DMD: variants seen among roughly 807,000 people sequenced by gnomAD.
The protein encoded by DMD is mutant dystrophin.
A neutral mutation model predicts 330.1 loss-of-function variants in DMD; 63 were observed. The observed-to-expected ratio is 0.19, with a 90% confidence interval of 0.16 to 0.24. The LOEUF is 0.24. Among genes scored for constraint, DMD ranks in the 10% least tolerant of loss-of-function variants. The probability of loss-of-function intolerance (pLI) is 1.00; values close to 1 mark genes in which losing one functional copy is unlikely to be tolerated. For missense variants in DMD, 3,344 were observed against 2,684.1 expected (o/e 1.25, Z -5.43); for synonymous variants, 1,223 against 959.8 (o/e 1.27, Z -5.07).
intron 1 of DMD, among the ~76,000 whole-genome samples, chrX:33,184,838 CT>C (rs1402545564): frequency 1.2e-4 from 13 of 106,620 alleles, no homozygotes; most frequent in African/African-American, 4.1e-4. Context: ...ATTCTCCTGC[CT>C]CAGCCTCCTG....
chrX:32,611,792 C>T (rs140376987), intron 12 of DMD, among the ~76,000 whole-genome samples: 1,310 of 112,103 alleles, frequency 0.012, 4 homozygotes, highest in Non-Finnish European at 0.019. Flanking sequence ...TTCAGTGTTA[C>T]GTGGCCTAAT....
chrX:31,554,255 T>C (rs1180826912), intron 55 of DMD, among the ~76,000 whole-genome samples: 1 of 112,084 alleles, frequency 8.9e-6, no homozygotes, highest in Non-Finnish European at 1.9e-5. Flanking sequence ...TTGGCTAAAT[T>C]GGAATCATTA....
chrX:31,438,540 G>A (rs1339137360), intron 60 of DMD, among the ~76,000 whole-genome samples: 1 of 111,754 alleles, frequency 8.9e-6, no homozygotes, highest in East Asian at 2.8e-4. Flanking sequence ...TTTGGAGAAT[G>A]GCCTCATATT....
chrX:32,516,646 G>T (rs922208978), intron 18 of DMD: 1 of 111,379 alleles, frequency 9.0e-6, no homozygotes, highest in African/African-American at 3.3e-5. Flanking sequence ...AAATGCTAAA[G>T]GTGATTCATA....
intron 60 of DMD, among the ~76,000 whole-genome samples, chrX:31,382,724 T>C (rs1360923891): frequency 9.0e-6 from 1 of 110,506 alleles, no homozygotes; most frequent in African/African-American, 3.3e-5. Flanking sequence ...CCCCACAATA[T>C]CACCCCTTAC....
intron 47 of DMD, among the ~76,000 whole-genome samples, chrX:31,908,484 C>T (rs1007503093): frequency 6.4e-5 from 7 of 108,626 alleles, no homozygotes; most frequent in African/African-American, 2.0e-4. Flanking sequence ...AACCAAACAC[C>T]GCATGTCCTC....
At chrX:32,943,431 A>G (rs963398639) in intron 2 of DMD, among the ~76,000 whole-genome samples, 4 of 111,493 alleles carry the variant, frequency 3.6e-5, no homozygotes, top group African/African-American at 1.3e-4. Context: ...TTATATGTAT[A>G]CATACTGTGT....
At chrX:31,895,970 A>C (rs1369474604) in intron 47 of DMD, among the ~76,000 whole-genome samples, 1 of 112,179 alleles carries the variant, frequency 8.9e-6, no homozygotes, top group South Asian at 3.6e-4. Flanking sequence ...GAGTGTATTT[A>C]AACTAACACT....
chrX:32,681,249 C>G lies in DMD; in HGVS notation c.960+16621G>C, dbSNP rs1241247864. ...GATGAACTTACTCTATGGAAATCTT[C>G]CTGAGTACGAGTCGATGGACCATTG... On this transcript the variant is annotated intron_variant, in intron 9 of 78. Coordinates refer to ENST00000357033, the MANE Select transcript of DMD (RefSeq NM_004006.3). Among the ~76,000 whole-genome samples the G allele has an allele frequency of 1.8e-5, 2 of 111,530 alleles. 1 individual carries two copies. Among genetic ancestry groups the G allele is most frequent in the African/African-American group, 6.5e-5 (2 of 30,675 alleles).
chrX:32,700,612 T>A (rs994028458), intron 7 of DMD, among the ~76,000 whole-genome samples: 1 of 111,823 alleles, frequency 8.9e-6, no homozygotes, highest in African/African-American at 3.2e-5. Context: ...TAGTTCAATG[T>A]AGCCATTCCA....
At chrX:32,677,693 T>G (rs191385279) in intron 9 of DMD, among the ~76,000 whole-genome samples, 1 of 111,620 alleles carries the variant, frequency 9.0e-6, no homozygotes, top group Non-Finnish European at 1.9e-5. Flanking sequence ...TGTGATCAGA[T>G]TTATACTTAG....
chrX:32,313,033 C>G (rs1490056690), intron 41 of DMD, among the ~76,000 whole-genome samples: 1 of 104,810 alleles, frequency 9.5e-6, no homozygotes, highest in Non-Finnish European at 2.0e-5. Flanking sequence ...ACCATTCCCT[C>G]TAAAACTATT....
At chrX:32,393,880 A>T (rs1382324547) in intron 30 of DMD, among the ~76,000 whole-genome samples, 1 of 111,496 alleles carries the variant, frequency 9.0e-6, no homozygotes, top group Non-Finnish European at 1.9e-5. Flanking sequence ...CAATGGGATC[A>T]ATAGTAATCA....
chrX:31,738,963 T>C (rs781109877), intron 51 of DMD, among the ~76,000 whole-genome samples: 2 of 111,778 alleles, frequency 1.8e-5, no homozygotes, highest in South Asian at 7.6e-4. Flanking sequence ...GGTGTAGGTA[T>C]AGTTACTGGG....
intron 1 of DMD, among the ~76,000 whole-genome samples, chrX:33,283,158 C>T (rs2148923256): frequency 1.8e-5 from 2 of 112,492 alleles, no homozygotes; most frequent in South Asian, 7.3e-4. Context: ...GCTAAATATA[C>T]ATTTAATTGT....
chrX:32,080,335 A>G (rs757916785), intron 44 of DMD, among the ~76,000 whole-genome samples: 94 of 112,336 alleles, frequency 8.4e-4, no homozygotes, highest in African/African-American at 2.3e-3. Context: ...CATTTCCATT[A>G]AAAGAACTTA....
At chrX:32,676,622 T>G (rs1019023434) in intron 9 of DMD, among the ~76,000 whole-genome samples, 2 of 111,468 alleles carry the variant, frequency 1.8e-5, no homozygotes, top group Admixed American at 9.6e-5. Context: ...TAACAAACTC[T>G]TAGGGTTTTA....
chrX:33,140,512 T>G, intron 1 of DMD, among the ~76,000 whole-genome samples: 1 of 112,599 alleles, frequency 8.9e-6, no homozygotes, highest in East Asian at 2.8e-4. Flanking sequence ...AGACAATAAC[T>G]ACTATGACCT....
intron 44 of DMD, among the ~76,000 whole-genome samples, chrX:32,211,653 T>G (rs1162353092): frequency 1.8e-5 from 2 of 111,844 alleles, no homozygotes; most frequent in Admixed American, 1.9e-4. Context: ...GCCTAAAAAA[T>G]TTCATCTAAA....
Sources: gnomAD v4.1 joint callset for allele counts (sites outside exome capture counted in the v4.1 genomes callset) on GRCh38, gnomAD v4.1.1 for gene constraint, MANE v1.5 for transcripts, NCBI Gene and HGNC (gene_info 2026-07-23, HGNC 2026-07-21) for gene names.